The following MOV10L1 variants were observed in gnomAD, a reference collection of about 807,000 sequenced individuals.
MOV10L1 encodes RNA helicase Mov10l1.
In MOV10L1, 110 loss-of-function variants were observed where a neutral mutation model predicts 143.8. The ratio of observed to expected loss-of-function variants is 0.76; its 90% CI spans 0.66 to 0.90. The LOEUF (loss-of-function observed/expected upper bound fraction) is 0.90. Ranked by LOEUF, MOV10L1 falls within the 40% of genes least tolerant of loss-of-function variation. The pLI is 0.00. For missense variants in MOV10L1, 1,406 were observed against 1,526.8 expected (o/e 0.92, Z 1.32); for synonymous variants, 593 against 581.1 (o/e 1.02, Z -0.29).
chr22:50,139,768 A>G (rs550729842), intron 15 of MOV10L1, among the ~76,000 whole-genome samples: 2 of 152,232 alleles, frequency 1.3e-5, no homozygotes, highest in South Asian at 2.1e-4. Context: ...AAGATGTTCA[A>G]CATCATTAGT....
In MOV10L1 at chr22:50,113,715, A is replaced by G. The variant is rs2062085158; in HGVS notation, c.811A>G (p.Ile271Val). The change falls in exon 6 of 27, where the codon ATT becomes GTT. Residue 271 changes from isoleucine to valine, a missense_variant. By Grantham distance (29) the Ile-to-Val change is conservative. Around this residue, in one of 3 missense-constraint regions of MOV10L1, gnomAD observed 1,233 missense variants for 1,351.4 expected, o/e 0.91. Coordinates refer to ENST00000262794, the MANE Select transcript of MOV10L1 (RefSeq NM_018995.3). Reference sequence around the variant, plus strand: ...GATTTTGCTGAAGAACAAAGGTGATATTGAAGTTACACAGGTGACGCATTT... The same window carrying G: ...GATTTTGCTGAAGAACAAAGGTGATGTTGAAGTTACACAGGTGACGCATTT... ...GTILLKNKGD[I>V]EVTQVTHFGT... 3 of 1,613,998 alleles carry G rather than the reference A, an allele frequency of 1.9e-6. No homozygotes were observed. The highest frequency in any genetic ancestry group is 1.7e-5 in the Admixed American group (1 of 59,986).
At chr22:50,154,759 G>T (rs776390904) in intron 22 of MOV10L1, among the ~76,000 whole-genome samples, 7 of 152,118 alleles carry the variant, frequency 4.6e-5, no homozygotes, top group Non-Finnish European at 8.8e-5. Context: ...TTTAACTGCT[G>T]TGTTTCATGC....
chr22:50,106,976 C>T (rs897846802), intron 3 of MOV10L1, among the ~76,000 whole-genome samples: 10 of 151,794 alleles, frequency 6.6e-5, no homozygotes, highest in African/African-American at 2.4e-4. Flanking sequence ...GCTGGGATTA[C>T]AGGCGTGAGC....
At position 50,117,209 on chromosome 22, in the gene MOV10L1, A is replaced by C; in HGVS notation, c.1312A>C (p.Ile438Leu). ...TTTGCTCTGTTTTTCCGATTTCCTA[A>C]TTGGGCGATACCTTGAAGTAAATGT... ...LLLLCFSDFLIGRYLEVNVIS... is the reference protein window; with the variant it reads ...LLLLCFSDFLLGRYLEVNVIS... Residue 438 changes from isoleucine (I) to leucine (L), a missense_variant, in exon 9 of 27, where the codon ATT (isoleucine) becomes CTT (leucine). Physicochemically the swap from Ile to Leu is conservative, Grantham distance 5. Coordinates refer to ENST00000262794, the MANE Select transcript of MOV10L1 (RefSeq NM_018995.3). 1 of 1,612,510 alleles carries C rather than the reference A, an allele frequency of 6.2e-7. No individual in the cohort carries two copies. The highest frequency in any genetic ancestry group is 8.5e-7 in the Non-Finnish European group (1 of 1,179,300).
chr22:50,092,311 G>A, intron 2 of MOV10L1, 126 bp downstream of exon 2: 2 of 823,520 alleles, frequency 2.4e-6, no homozygotes, highest in Non-Finnish European at 3.8e-6. Context: ...CCTTCAAGGG[G>A]ATGCTTTTGC....
chr22:50,124,140 T>C (rs1276431254), intron 10 of MOV10L1, among the ~76,000 whole-genome samples: 1 of 152,152 alleles, frequency 6.6e-6, no homozygotes, highest in Admixed American at 6.5e-5. Context: ...TCATCTCTCC[T>C]CTAATCTTTA....
At chr22:50,145,914 C>T in intron 19 of MOV10L1, 104 bp downstream of exon 19, 1 of 1,522,582 alleles carries the variant, frequency 6.6e-7, no homozygotes, top group South Asian at 1.2e-5. Flanking sequence ...ACTCAGTGCT[C>T]AGGGAGGGAG....
At chr22:50,143,311 A>C in intron 17 of MOV10L1, 90 bp downstream of exon 17, 2 of 1,402,096 alleles carry the variant, frequency 1.4e-6, no homozygotes, top group Non-Finnish European at 2.0e-6. Context: ...TAGATTGTAG[A>C]ATCAGACAGT....
intron 13 of MOV10L1, among the ~76,000 whole-genome samples, chr22:50,128,936 G>A (rs2062593606): frequency 6.6e-6 from 1 of 151,872 alleles, no homozygotes; most frequent in African/African-American, 2.4e-5. Context: ...CAAAGTTTTG[G>A]GAGTATAGGT....
intron 1 of MOV10L1, chr22:50,091,212 G>T (rs1160934880): frequency 6.0e-6 from 1 of 167,482 alleles, no homozygotes; most frequent in African/African-American, 2.4e-5. Context: ...CACGCGCTCA[G>T]CGGTAGCTGG....
intron 22 of MOV10L1, among the ~76,000 whole-genome samples, chr22:50,153,567 G>A (rs2063351790): frequency 1.3e-5 from 2 of 152,308 alleles, no homozygotes; most frequent in Middle Eastern, 3.4e-3. Flanking sequence ...GCCGCAGGAA[G>A]CTCCCAGAGG....
At chr22:50,109,128 G>C (rs1317972513) in intron 5 of MOV10L1, among the ~76,000 whole-genome samples, 2 of 151,590 alleles carry the variant, frequency 1.3e-5, no homozygotes, top group East Asian at 3.9e-4. Flanking sequence ...TGGGCGACAA[G>C]TAAAACTCCG....
chr22:50,132,896 C>T (rs934529728), intron 13 of MOV10L1, among the ~76,000 whole-genome samples: 8 of 152,098 alleles, frequency 5.3e-5, no homozygotes, highest in African/African-American at 1.2e-4. Flanking sequence ...ATCAGCCGGG[C>T]GTGGTAGTGG....
intron 26 of MOV10L1, 43 bp downstream of exon 26, chr22:50,161,098 G>C: frequency 6.3e-7 from 1 of 1,589,308 alleles, no homozygotes; most frequent in Non-Finnish European, 8.6e-7. Context: ...GCTGGCTCTA[G>C]AACGTGCTCT....
intron 8 of MOV10L1, among the ~76,000 whole-genome samples, chr22:50,116,741 C>T (rs2062190501): frequency 1.4e-5 from 2 of 147,486 alleles, no homozygotes. Flanking sequence ...TCACAGCTCA[C>T]TGCAGCCTCC....
intron 5 of MOV10L1, among the ~76,000 whole-genome samples, chr22:50,112,928 A>G (rs539309599): frequency 2.0e-5 from 3 of 152,280 alleles, no homozygotes; most frequent in South Asian, 2.1e-4. Flanking sequence ...AGAGCCAAAC[A>G]GGCACCCGCC....
chr22:50,122,478 T>C (rs1475864174), intron 10 of MOV10L1, among the ~76,000 whole-genome samples: 1 of 152,238 alleles, frequency 6.6e-6, no homozygotes, highest in Non-Finnish European at 1.5e-5. Flanking sequence ...TATAAAATTA[T>C]GCATGCCATC....
At chr22:50,108,366 C>A in intron 4 of MOV10L1, 118 bp downstream of exon 4, 1 of 991,750 alleles carries the variant, frequency 1.0e-6, no homozygotes, top group Non-Finnish European at 1.6e-6. Context: ...AAAGCTTTGT[C>A]ATGGCCAAAG....
chr22:50,101,736 T>C (rs1409448264), intron 3 of MOV10L1, among the ~76,000 whole-genome samples: 1 of 152,010 alleles, frequency 6.6e-6, no homozygotes, highest in Non-Finnish European at 1.5e-5. Flanking sequence ...GGTCTCGAAC[T>C]CTTGACCTCA....
Sources: allele counts gnomAD v4.1 joint callset (sites outside exome capture counted in the v4.1 genomes callset), GRCh38; gene constraint gnomAD v4.1.1; regional missense constraint gnomAD v4.1.1; transcripts MANE v1.5; gene names NCBI Gene and HGNC (gene_info 2026-07-23, HGNC 2026-07-21).